GPC6: variants seen among roughly 807,000 people sequenced by gnomAD.
The protein encoded by GPC6 is glypican-6.
GPC6 carries 14 observed loss-of-function variants against 55.2 expected under a neutral mutation model. The ratio of observed to expected loss-of-function variants is 0.25; its 90% CI spans 0.17 to 0.40. The LOEUF (loss-of-function observed/expected upper bound fraction) is 0.40. Ranked by LOEUF, GPC6 falls within the 10% of genes least tolerant of loss-of-function variation. The pLI is 1.00. For missense variants in GPC6, 641 were observed against 708.5 expected, an observed-to-expected ratio of 0.90 and a Z score of 1.08; for synonymous variants, 278 against 259.6, an observed-to-expected ratio of 1.07 and a Z score of -0.68.
intron 4 of GPC6, among the ~76,000 whole-genome samples, chr13:94,239,305 A>G (rs952614067): frequency 6.6e-6 from 1 of 152,164 alleles, no homozygotes; most frequent in Non-Finnish European, 1.5e-5. Context: ...ATGAAGGGAA[A>G]GGTACTAGAC....
chr13:93,651,332 TTTCTC>T (rs777552409), intron 2 of GPC6, among the ~76,000 whole-genome samples: 12 of 151,992 alleles, frequency 7.9e-5, no homozygotes, highest in African/African-American at 1.2e-4. Flanking sequence ...TTGTACAACT[TTTCTC>T]TTTTTTTCTT....
intron 3 of GPC6, among the ~76,000 whole-genome samples, chr13:93,859,628 T>A (rs1237995422): frequency 6.6e-6 from 1 of 151,636 alleles, no homozygotes; most frequent in East Asian, 2.0e-4. Context: ...TAATTACGCA[T>A]CAGTAGTTTT....
At chr13:93,890,870 A>G (rs1875643062) in intron 3 of GPC6, among the ~76,000 whole-genome samples, 2 of 151,902 alleles carry the variant, frequency 1.3e-5, no homozygotes, top group African/African-American at 4.8e-5. Context: ...TATATTTGCC[A>G]TAGTTTATTA....
chr13:93,475,705 A>G (rs1427764067), intron 1 of GPC6, among the ~76,000 whole-genome samples: 1 of 152,220 alleles, frequency 6.6e-6, no homozygotes, highest in Admixed American at 6.5e-5. Flanking sequence ...AAATACAGTC[A>G]TTAAAAAGCA....
chr13:93,929,220 GAA>G (rs1878027911), intron 3 of GPC6, among the ~76,000 whole-genome samples: 2 of 152,156 alleles, frequency 1.3e-5, no homozygotes, highest in African/African-American at 4.8e-5. Context: ...ATTAGCACTT[GAA>G]CTTCAGGAGA....
intron 4 of GPC6, among the ~76,000 whole-genome samples, chr13:94,230,183 T>G (rs187880606): frequency 6.6e-6 from 1 of 152,278 alleles, no homozygotes; most frequent in East Asian, 1.9e-4. Flanking sequence ...ATGTAAAGAC[T>G]GAAAACACTC....
At chr13:93,902,474 G>C (rs1400961539) in intron 3 of GPC6, among the ~76,000 whole-genome samples, 1 of 152,044 alleles carries the variant, frequency 6.6e-6, no homozygotes. Flanking sequence ...AGACACTTCG[G>C]TTGATTCCTT....
At chr13:93,268,439 A>G (rs1459539421) in intron 1 of GPC6, among the ~76,000 whole-genome samples, 1 of 152,230 alleles carries the variant, frequency 6.6e-6, no homozygotes, top group Non-Finnish European at 1.5e-5. Context: ...TCAGTGAGAA[A>G]AGCTACAGAA....
intron 3 of GPC6, among the ~76,000 whole-genome samples, chr13:93,957,017 A>G (rs1879538771): frequency 6.6e-6 from 1 of 152,202 alleles, no homozygotes; most frequent in Admixed American, 6.5e-5. Context: ...AAATTAGCCC[A>G]GGATCTAAAC....
At chr13:93,725,471 C>T (rs1883601033) in intron 2 of GPC6, among the ~76,000 whole-genome samples, 1 of 151,990 alleles carries the variant, frequency 6.6e-6, no homozygotes, top group Admixed American at 6.6e-5. Context: ...CAGACCCTTT[C>T]TAACCTGCTA....
At chr13:93,846,276 C>T (rs1369255712) in intron 3 of GPC6, among the ~76,000 whole-genome samples, 1 of 152,084 alleles carries the variant, frequency 6.6e-6, no homozygotes, top group Non-Finnish European at 1.5e-5. Flanking sequence ...AGCCACTATG[C>T]TAAGTACTTT....
At chr13:93,467,387 T>C (rs1878945425) in intron 1 of GPC6, among the ~76,000 whole-genome samples, 2 of 152,148 alleles carry the variant, frequency 1.3e-5, no homozygotes, top group Non-Finnish European at 2.9e-5. Context: ...AGGGTGGTCC[T>C]GAAAGCTATG....
chr13:93,522,793 C>A (rs1191265663), intron 1 of GPC6, among the ~76,000 whole-genome samples: 1 of 151,826 alleles, frequency 6.6e-6, no homozygotes, highest in Non-Finnish European at 1.5e-5. Flanking sequence ...AACTTAGCAG[C>A]AGATTGGAAG....
chr13:93,616,103 G>A (rs1214187558), intron 2 of GPC6, among the ~76,000 whole-genome samples: 4 of 151,960 alleles, frequency 2.6e-5, no homozygotes, highest in African/African-American at 9.7e-5. Context: ...TGTCTCTTTA[G>A]TCTGTCCTAC....
At chr13:94,067,588 T>C (rs1464541236) in intron 4 of GPC6, among the ~76,000 whole-genome samples, 1 of 140,674 alleles carries the variant, frequency 7.1e-6, no homozygotes, top group Non-Finnish European at 1.5e-5. Context: ...TATAGATAGA[T>C]AGATAGATAG....
intron 2 of GPC6, among the ~76,000 whole-genome samples, chr13:93,764,881 G>A (rs567304578): frequency 1.8e-4 from 27 of 152,138 alleles, no homozygotes; most frequent in African/African-American, 5.8e-4. Flanking sequence ...CTCACTACAA[G>A]CTCCGCCTCC....
At chr13:94,119,296 A>T (rs1886544274) in intron 4 of GPC6, among the ~76,000 whole-genome samples, 1 of 152,100 alleles carries the variant, frequency 6.6e-6, no homozygotes, top group Non-Finnish European at 1.5e-5. Flanking sequence ...GCAGTATGTC[A>T]GTTGGTGATA....
chr13:93,544,365 A>G (rs947187737), intron 1 of GPC6, among the ~76,000 whole-genome samples: 2 of 152,116 alleles, frequency 1.3e-5, no homozygotes, highest in Admixed American at 1.3e-4. Flanking sequence ...CACTTTGTTC[A>G]TTTGTTTTCA....
chr13:94,392,832 C>T (rs1880716372), intron 7 of GPC6, among the ~76,000 whole-genome samples: 1 of 148,980 alleles, frequency 6.7e-6, no homozygotes, highest in Non-Finnish European at 1.5e-5. Context: ...AGGCTGGTCT[C>T]GAACTCTCGA....
Sources: allele counts gnomAD v4.1 joint callset (sites outside exome capture counted in the v4.1 genomes callset), GRCh38; gene constraint gnomAD v4.1.1; transcripts MANE v1.5; gene names NCBI Gene and HGNC (gene_info 2026-07-23, HGNC 2026-07-21).